XPNPEP3: variants seen among roughly 807,000 people sequenced by gnomAD.
XPNPEP3 encodes X-prolyl aminopeptidase 3, also known as xaa-Pro aminopeptidase 3.
A neutral mutation model predicts 60.0 loss-of-function variants in XPNPEP3; 41 were observed. The ratio of observed to expected loss-of-function variants is 0.68; its 90% CI spans 0.53 to 0.89. The LOEUF is 0.89. XPNPEP3 is among the 40% of genes least tolerant of loss of function. XPNPEP3 has a pLI of 0.00. For synonymous variants in XPNPEP3, 212 were observed against 223.2 expected (o/e 0.95, Z 0.45); for missense variants, 598 against 638.9 (o/e 0.94, Z 0.69).
At chr22:40,890,412 TGTG>T (rs2058084257) in intron 4 of XPNPEP3, among the ~76,000 whole-genome samples, 2 of 150,000 alleles carry the variant, frequency 1.3e-5, no homozygotes. Context: ...AATAGCCAAG[TGTG>T]GTGGTCCCAA....
In XPNPEP3 at chr22:40,886,467, T is replaced by C. The variant is rs898919144; in HGVS notation, c.744T>C (p.Ser248=). 1 of 1,613,992 alleles carries C rather than the reference T, an allele frequency of 6.2e-7. No individual in the cohort carries two copies. Among genetic ancestry groups the C allele is most frequent in the Admixed American group, 1.7e-5 (1 of 59,972 alleles). The change falls in exon 4 of 10, where the codon TCT becomes TCC. Residue 248 remains serine (S), a synonymous_variant. Coordinates refer to ENST00000357137, the MANE Select transcript of XPNPEP3 (RefSeq NM_022098.4). ...QLIQRLRLIK[S]PAEIERMQIA... ...TACAGCGCCTCCGGCTGATCAAGTC[T>C]CCTGCAGAAATTGAACGAATGCAGA...
At chr22:40,874,486 C>T (rs753066770) in intron 2 of XPNPEP3, among the ~76,000 whole-genome samples, 10 of 151,972 alleles carry the variant, frequency 6.6e-5, no homozygotes, top group Admixed American at 2.0e-4. Context: ...AGTACAGTGC[C>T]GAGATCATGG....
At chr22:40,876,660 T>C (rs1014927791) in intron 2 of XPNPEP3, among the ~76,000 whole-genome samples, 1 of 150,956 alleles carries the variant, frequency 6.6e-6, no homozygotes, top group Non-Finnish European at 1.5e-5. Flanking sequence ...ATAATACCTG[T>C]GTCACTCAGT....
intron 3 of XPNPEP3, 102 bp from the exon 4 acceptor site, chr22:40,886,211 A>G (rs1029162656): frequency 7.7e-6 from 9 of 1,164,242 alleles, no homozygotes; most frequent in East Asian, 2.3e-5. Context: ...TCCACGTTAC[A>G]GGTTTTATAG....
At chr22:40,909,049 G>C in intron 5 of XPNPEP3, 73 bp from the exon 6 acceptor site, 1 of 1,168,454 alleles carries the variant, frequency 8.6e-7, no homozygotes. Context: ...GGAGGTATGG[G>C]CTGTTGAAGA....
intron 4 of XPNPEP3, among the ~76,000 whole-genome samples, chr22:40,905,138 G>A (rs913904951): frequency 2.6e-5 from 4 of 151,140 alleles, no homozygotes; most frequent in Admixed American, 6.6e-5. Context: ...GGAGTGCAGT[G>A]GCATAATCTC....
chr22:40,873,813 A>C (rs763114886), intron 2 of XPNPEP3, among the ~76,000 whole-genome samples: 3 of 152,112 alleles, frequency 2.0e-5, no homozygotes, highest in Non-Finnish European at 4.4e-5. Flanking sequence ...AATAAAATAG[A>C]AATAAAATAA....
chr22:40,871,944 A>C (rs2058007563), intron 2 of XPNPEP3, among the ~76,000 whole-genome samples: 3 of 152,126 alleles, frequency 2.0e-5, no homozygotes, highest in Non-Finnish European at 4.4e-5. Context: ...GAGGCAGGAG[A>C]ATCACTTGAA....
At chr22:40,895,483 C>T (rs988316294) in intron 4 of XPNPEP3, among the ~76,000 whole-genome samples, 2 of 151,668 alleles carry the variant, frequency 1.3e-5, no homozygotes, top group Non-Finnish European at 2.9e-5. Context: ...TACAGACGCC[C>T]ACCAGCACGC....
At chr22:40,894,124 GAT>G in intron 4 of XPNPEP3, among the ~76,000 whole-genome samples, 1 of 152,128 alleles carries the variant, frequency 6.6e-6, no homozygotes, top group East Asian at 1.9e-4. Context: ...AGTAGACTAT[GAT>G]ACAGGTGCTG....
chr22:40,871,101 G>A (rs779169497), intron 2 of XPNPEP3, among the ~76,000 whole-genome samples: 3 of 152,076 alleles, frequency 2.0e-5, no homozygotes, highest in Admixed American at 6.6e-5. Flanking sequence ...AGTGGCTCAC[G>A]CCTATAATCC....
At chr22:40,877,094 G>A (rs2058030442) in intron 2 of XPNPEP3, among the ~76,000 whole-genome samples, 1 of 152,120 alleles carries the variant, frequency 6.6e-6, no homozygotes, top group Non-Finnish European at 1.5e-5. Context: ...TCTTGACTTT[G>A]TGTAAGTAGA....
At chr22:40,907,451 C>A in intron 4 of XPNPEP3, 136 bp from the exon 5 acceptor site, 3 of 810,704 alleles carry the variant, frequency 3.7e-6, no homozygotes, top group African/African-American at 1.7e-5. Flanking sequence ...TGTATTATTA[C>A]CCCCAGTAGG....
chr22:40,861,751 C>T (rs1569012304), intron 1 of XPNPEP3: 2 of 1,613,440 alleles, frequency 1.2e-6, no homozygotes, highest in Admixed American at 1.7e-5. Flanking sequence ...TCACATTCAT[C>T]ATCAAAATGA....
intron 2 of XPNPEP3, among the ~76,000 whole-genome samples, chr22:40,878,675 C>G (rs964784429): frequency 1.3e-5 from 2 of 151,914 alleles, no homozygotes; most frequent in African/African-American, 4.8e-5. Context: ...CAACCTCTGC[C>G]TCCTGGGTTT....
chr22:40,907,452 C>G (rs2058160827), intron 4 of XPNPEP3, 135 bp from the exon 5 acceptor site: 10 of 849,364 alleles, frequency 1.2e-5, no homozygotes, highest in Non-Finnish European at 1.8e-5. Flanking sequence ...GTATTATTAC[C>G]CCCAGTAGGT....
chr22:40,877,427 C>G (rs1009067121), intron 2 of XPNPEP3, among the ~76,000 whole-genome samples: 4 of 152,138 alleles, frequency 2.6e-5, no homozygotes, highest in Non-Finnish European at 5.9e-5. Flanking sequence ...TAGTAGAGAC[C>G]TGTATCATTT....
intron 4 of XPNPEP3, among the ~76,000 whole-genome samples, chr22:40,900,407 C>A (rs13058509): frequency 0.027 from 4,032 of 151,454 alleles, 73 homozygotes; most frequent in Non-Finnish European, 0.044. Flanking sequence ...GAGTTCAAGA[C>A]CAGCCTGGCC....
chr22:40,914,219 C>A lies in XPNPEP3; in HGVS notation c.970-20C>A. The A allele has an allele frequency of 6.2e-7, 1 of 1,604,432 alleles. No individual in the cohort carries two copies. Among genetic ancestry groups the A allele is most frequent in the Non-Finnish European group, 8.5e-7 (1 of 1,171,896 alleles). ...ATAATCATGAGCTTATCCACTTTAA[C>A]CTGTCTTACTTTGTTCCAGGATGGG... On this transcript the variant is annotated intron_variant, in intron 6 of 9. Coordinates refer to ENST00000357137, the MANE Select transcript of XPNPEP3 (RefSeq NM_022098.4).
Sources: allele counts gnomAD v4.1 joint callset (sites outside exome capture counted in the v4.1 genomes callset), GRCh38; gene constraint gnomAD v4.1.1; transcripts MANE v1.5; gene names NCBI Gene and HGNC (gene_info 2026-07-23, HGNC 2026-07-21).